Variants in PRUNE2 observed in about 807,000 individuals in gnomAD.
PRUNE2 encodes the protein prune homolog 2 with BCH domain.
Under a neutral mutation model 252.0 loss-of-function variants are expected in PRUNE2, and 164 were observed. That is an observed-to-expected ratio of 0.65 (90% CI 0.57 to 0.74). PRUNE2 has a LOEUF of 0.74. Ranked by LOEUF, PRUNE2 falls within the 30% of genes least tolerant of loss-of-function variation. The pLI, the probability that PRUNE2 is intolerant of heterozygous loss-of-function variation, is 0.00. For synonymous variants in PRUNE2, 1,292 were observed against 1,350.2 expected (o/e 0.96, Z 0.94); for missense variants, 3,495 against 3,711.0 (o/e 0.94, Z 1.51).
At chr9:76,859,435 T>C (rs1233359086) in intron 1 of PRUNE2, among the ~76,000 whole-genome samples, 1 of 152,136 alleles carries the variant, frequency 6.6e-6, no homozygotes, top group Non-Finnish European at 1.5e-5. Flanking sequence ...GGCCCTCCTA[T>C]AAGCCTAGGC....
intron 4 of PRUNE2, among the ~76,000 whole-genome samples, chr9:76,837,328 A>G (rs561167006): frequency 2.2e-4 from 34 of 152,056 alleles, no homozygotes; most frequent in South Asian, 1.5e-3. Flanking sequence ...TGCAGTCCCA[A>G]CTACTCGGGA....
At chr9:76,758,090 G>C (rs997159990) in intron 6 of PRUNE2, among the ~76,000 whole-genome samples, 3 of 152,130 alleles carry the variant, frequency 2.0e-5, no homozygotes, top group Non-Finnish European at 4.4e-5. Context: ...TAACAAAATA[G>C]AAAGTTCAAA....
intron 1 of PRUNE2, among the ~76,000 whole-genome samples, chr9:76,873,696 C>T (rs1398088953): frequency 6.6e-6 from 1 of 152,146 alleles, no homozygotes; most frequent in African/African-American, 2.4e-5. Flanking sequence ...CAGCACAAAC[C>T]CATGATGAAA....
intron 4 of PRUNE2, 124 bp from the exon 5 acceptor site, chr9:76,826,856 A>C: frequency 2.7e-6 from 2 of 731,220 alleles, no homozygotes; most frequent in Middle Eastern, 2.5e-4. Context: ...CCTGGACCAG[A>C]GTCCTCCACA....
At chr9:76,770,856 T>C (rs1391964113) in intron 6 of PRUNE2, among the ~76,000 whole-genome samples, 1 of 152,162 alleles carries the variant, frequency 6.6e-6, no homozygotes, top group South Asian at 2.1e-4. Flanking sequence ...TACCTCAACT[T>C]TGATAATATC....
chr9:76,713,762 C>G, intron 6 of PRUNE2, 41 bp from the exon 7 acceptor site: 1 of 1,472,482 alleles, frequency 6.8e-7, no homozygotes, highest in Non-Finnish European at 9.3e-7. Flanking sequence ...TGTCAAACTG[C>G]CCAGCTGCGG....
intron 9 of PRUNE2, among the ~76,000 whole-genome samples, chr9:76,680,320 T>A (rs1370443516): frequency 6.6e-6 from 1 of 152,084 alleles, no homozygotes; most frequent in African/African-American, 2.4e-5. Flanking sequence ...CACTTCATAC[T>A]CATTAGGATG....
chr9:76,826,832 A>C (rs1418702891), intron 4 of PRUNE2, 100 bp from the exon 5 acceptor site: 1 of 994,988 alleles, frequency 1.0e-6, no homozygotes, highest in Non-Finnish European at 1.5e-6. Context: ...TAAGCTTTCC[A>C]TTTCTGTCTC....
intron 6 of PRUNE2, among the ~76,000 whole-genome samples, chr9:76,772,425 G>A (rs556687186): frequency 4.6e-5 from 7 of 152,190 alleles, no homozygotes; most frequent in African/African-American, 7.2e-5. Context: ...CACTTGCTAC[G>A]TAGTCTTGAA....
At chr9:76,615,659 A>G (rs10512062) in intron 18 of PRUNE2, among the ~76,000 whole-genome samples, 12,468 of 152,166 alleles carry the variant, frequency 0.082, 628 homozygotes, top group South Asian at 0.21. Context: ...TTGCTAATGA[A>G]TAAGTCTAAA....
chr9:76,804,894 C>T (rs1294061574), intron 6 of PRUNE2, among the ~76,000 whole-genome samples: 1 of 152,178 alleles, frequency 6.6e-6, no homozygotes, highest in Non-Finnish European at 1.5e-5. Context: ...AGGATGCCAC[C>T]CTGTTCCTTG....
At chr9:76,844,416 A>G (rs1483758778) in intron 4 of PRUNE2, among the ~76,000 whole-genome samples, 1 of 152,150 alleles carries the variant, frequency 6.6e-6, no homozygotes, top group Admixed American at 6.5e-5. Context: ...CCTGCCATGC[A>G]TGGAAGTTTC....
chr9:76,784,795 G>C (rs548114692), intron 6 of PRUNE2: 1 of 152,284 alleles, frequency 6.6e-6, no homozygotes, highest in South Asian at 2.1e-4. Context: ...TGATCATTAC[G>C]GAGTGAATTA....
chr9:76,707,245 C>T lies in PRUNE2; in HGVS notation c.5029G>A (p.Asp1677Asn), dbSNP rs374453691. 409 of 1,613,822 alleles carry T rather than the reference C, an allele frequency of 2.5e-4. No homozygotes were observed. The highest frequency in any genetic ancestry group is 3.2e-4 in the Non-Finnish European group (374 of 1,179,892). Residue 1677 changes from aspartate to asparagine, a missense_variant, in exon 8 of 19, where the codon GAT (aspartate) becomes AAT (asparagine). Physicochemically the swap from Asp to Asn is conservative, Grantham distance 23 (BLOSUM62 1). Coordinates refer to ENST00000376718, the MANE Select transcript of PRUNE2 (RefSeq NM_015225.3). ...GAGCTTGTTGAAATGACCCTGGCATCCTCTGGCTGCACAGTTGCAGAAATG... is the reference window on the plus strand; with the variant it reads ...GAGCTTGTTGAAATGACCCTGGCATTCTCTGGCTGCACAGTTGCAGAAATG... ...HDISATVQPE[D>N]ARVISTSSGS...
intron 10 of PRUNE2, among the ~76,000 whole-genome samples, chr9:76,654,541 C>G (rs1243241854): frequency 3.3e-5 from 5 of 152,148 alleles, no homozygotes; most frequent in Non-Finnish European, 2.9e-5. Flanking sequence ...TGAAATGAGG[C>G]TAGTGCAACT....
rs898237533 is a variant in PRUNE2, at chr9:76,788,631, A to G, written c.756+35001T>C. The G allele has an allele frequency of 9.7e-6, 6 of 620,676 alleles. No homozygotes were observed. The East Asian group carries it at 1.7e-4, about 17-fold the overall frequency. The allele number at this position is 620,676 out of a possible 1,614,324, so 38.4% of individuals were successfully genotyped here. On this transcript the variant is annotated intron_variant, in intron 6 of 18. Coordinates refer to ENST00000376718, the MANE Select transcript of PRUNE2 (RefSeq NM_015225.3). ...AAGCAGTGCTTGACACAACTTAAAC[A>G]TTTGAAATTTGTTCATTATCATCAC...
intron 1 of PRUNE2, among the ~76,000 whole-genome samples, chr9:76,856,821 T>C (rs2060275872): frequency 6.6e-6 from 1 of 152,066 alleles, no homozygotes; most frequent in Non-Finnish European, 1.5e-5. Flanking sequence ...TGGCGTGATC[T>C]TGGCTCACTG....
At chr9:76,893,171 C>G (rs965429347) in intron 1 of PRUNE2, among the ~76,000 whole-genome samples, 1 of 152,160 alleles carries the variant, frequency 6.6e-6, no homozygotes, top group Non-Finnish European at 1.5e-5. Flanking sequence ...CTTGAGCCTA[C>G]AAGTTCAAGG....
chr9:76,733,922 GT>G (rs2048851852), intron 6 of PRUNE2, among the ~76,000 whole-genome samples: 1 of 136,316 alleles, frequency 7.3e-6, no homozygotes, highest in Non-Finnish European at 1.5e-5. Context: ...AAAAGTTTTA[GT>G]TGTTTTTTTT....
Sources: allele counts gnomAD v4.1 joint callset (sites outside exome capture counted in the v4.1 genomes callset), GRCh38; gene constraint gnomAD v4.1.1; transcripts MANE v1.5; gene names NCBI Gene and HGNC (gene_info 2026-07-23, HGNC 2026-07-21).